The following KIAA0232 variants were observed in gnomAD, a reference collection of about 807,000 sequenced individuals.
The protein encoded by KIAA0232 is uncharacterized protein KIAA0232.
KIAA0232 carries 27 observed loss-of-function variants against 122.0 expected under a neutral mutation model. That is an observed-to-expected ratio of 0.22 (90% CI 0.16 to 0.31). KIAA0232 has a LOEUF of 0.31. KIAA0232 is among the 10% of genes least tolerant of loss of function. The probability of loss-of-function intolerance (pLI) is 1.00; values close to 1 mark genes in which losing one functional copy is unlikely to be tolerated. For synonymous variants in KIAA0232, 613 were observed against 587.6 expected (o/e 1.04, Z -0.63); for missense variants, 1,551 against 1,634.2 (o/e 0.95, Z 0.88).
intron 2 of KIAA0232, among the ~76,000 whole-genome samples, chr4:6,821,933 G>A (rs1389514957): frequency 1.3e-5 from 2 of 151,712 alleles, no homozygotes; most frequent in Non-Finnish European, 2.9e-5. Context: ...CTGCTCACTT[G>A]CATTGTTTCC....
intron 1 of KIAA0232, among the ~76,000 whole-genome samples, chr4:6,803,231 A>T (rs971003404): frequency 6.7e-6 from 1 of 149,490 alleles, no homozygotes; most frequent in African/African-American, 2.5e-5. Context: ...ATATATATGG[A>T]CTTTCTCATA....
chr4:6,816,598 T>A (rs1389021312), intron 2 of KIAA0232, among the ~76,000 whole-genome samples: 1 of 151,424 alleles, frequency 6.6e-6, no homozygotes, highest in Non-Finnish European at 1.5e-5. Context: ...TTGTAATATC[T>A]TTATTGGCTT....
Position 6,827,300 on chromosome 4 carries a change from T to TA in KIAA0232, c.231+2617dup, listed in dbSNP as rs777674449. Among the ~76,000 whole-genome samples the TA allele has an allele frequency of 4.6e-5, 7 of 152,326 alleles. No individual in the cohort carries two copies. In the South Asian group the frequency reaches 6.2e-4, roughly 14 times the overall value. Reference sequence around the variant, plus strand: ...GCCTGACTCAAAGGGAGGATGTACTTACGGTTTCCCCAGGCAGAGAGGATG... The same window carrying TA: ...GCCTGACTCAAAGGGAGGATGTACTTAACGGTTTCCCCAGGCAGAGAGGATG... On this transcript the variant is annotated intron_variant, in intron 3 of 9. Transcript: ENST00000307659.
At position 6,808,137 on chromosome 4, in the gene KIAA0232, A is replaced by T. The variant is rs369706054; in HGVS notation, c.-270+3531A>T. ...TATAACTACTTAATTGTATGTTTGC[A>T]CTCTCTGGCTTGCCAGGCAAATAGT... On this transcript the variant is annotated intron_variant, in intron 2 of 9. Transcript: ENST00000307659. 2.2e-4 allele frequency among the ~76,000 whole-genome samples: 33 copies of T among 152,134 alleles called. 1 individual carries two copies. The highest frequency in any genetic ancestry group is 1.5e-3 in the East Asian group (8 of 5,178).
intron 1 of KIAA0232, among the ~76,000 whole-genome samples, chr4:6,798,704 A>G (rs959609537): frequency 3.3e-5 from 5 of 152,152 alleles, no homozygotes; most frequent in South Asian, 2.1e-4. Context: ...GGCATGTGAC[A>G]TTATGCCCAA....
At chr4:6,857,871 C>T (rs1720644522) in intron 5 of KIAA0232, among the ~76,000 whole-genome samples, 1 of 152,162 alleles carries the variant, frequency 6.6e-6, no homozygotes. Flanking sequence ...GCCCACCAAG[C>T]CTTGAGCCTG....
rs759275409 is a variant in KIAA0232 at position 6,824,459 on chromosome 4, C to T, written c.6C>T (p.Tyr2=). The change falls in exon 3 of 10, where the codon TAC becomes TAT. Residue 2 remains tyrosine (Y), a synonymous_variant. Coordinates refer to ENST00000307659, the MANE Select transcript of KIAA0232 (RefSeq NM_014743.3). M[Y]PICTVVVDGL... ...GATGTCGGCAACCTAAATTCATGTA[C>T]CCTATCTGTACAGTTGTTGTGGATG... 1.2e-6 allele frequency: 2 copies of T among 1,613,316 alleles called. No individual in the cohort carries two copies. Among genetic ancestry groups the T allele is most frequent in the African/African-American group, 2.7e-5 (2 of 74,892 alleles).
chr4:6,831,345 C>T (rs1718967954), intron 3 of KIAA0232, among the ~76,000 whole-genome samples: 1 of 152,240 alleles, frequency 6.6e-6, no homozygotes, highest in Non-Finnish European at 1.5e-5. Flanking sequence ...TGAGCCACCA[C>T]ACCTGGCCGA....
intron 4 of KIAA0232, among the ~76,000 whole-genome samples, chr4:6,850,491 C>A (rs1030203654): frequency 6.6e-6 from 1 of 152,030 alleles, no homozygotes. Context: ...TTTGTAACTT[C>A]TTTTAGTTAA....
At position 6,881,054 on chromosome 4, in the gene KIAA0232, C is replaced by T. The variant is rs1371635765; in HGVS notation, c.*88C>T. On this transcript the variant is annotated 3_prime_UTR_variant, in exon 10 of 10. Coordinates refer to ENST00000307659, the MANE Select transcript of KIAA0232 (RefSeq NM_014743.3). ...GAGACCTGTTAATCTAAAACAACAACTTAGGTTTCCTCTTCAATTAACTGA... is the reference window on the plus strand; with the variant it reads ...GAGACCTGTTAATCTAAAACAACAATTTAGGTTTCCTCTTCAATTAACTGA... The T allele has an allele frequency of 8.5e-6, 8 of 944,168 alleles. No individual in the cohort carries two copies. Among genetic ancestry groups the T allele is most frequent in the Non-Finnish European group, 1.0e-5 (7 of 688,644 alleles). 58.5% of individuals were successfully genotyped at this position (944,168 alleles called of 1,614,324 possible).
Position 6,880,949 on chromosome 4 carries a change from T to C in KIAA0232, c.4171T>C (p.Ser1391Pro), listed in dbSNP as rs374877709. Residue 1391 changes from serine (S) to proline (P), a missense_variant, in exon 10 of 10, where the codon TCT becomes CCT. Ser to Pro is a moderately conservative substitution (Grantham distance 74). Transcript: ENST00000307659. Reference sequence around the variant, plus strand: ...GGGCCCTAGTGAAGAGGAGCTCTTTTCTCGAACTCATCTCTAAACCTGCAA... The same window carrying C: ...GGGCCCTAGTGAAGAGGAGCTCTTTCCTCGAACTCATCTCTAAACCTGCAA... ...WVGPSEEELFSRTHL is the reference protein window; with the variant it reads ...WVGPSEEELFPRTHL 11 of 1,561,504 alleles carry C rather than the reference T, an allele frequency of 7.0e-6. No homozygotes were observed. The African/African-American group carries it at 1.1e-4, about 16-fold the overall frequency.
At chr4:6,807,761 T>G (rs1380296078) in intron 2 of KIAA0232, among the ~76,000 whole-genome samples, 2 of 152,198 alleles carry the variant, frequency 1.3e-5, no homozygotes, top group Non-Finnish European at 1.5e-5. Flanking sequence ...AGTTCCAAAT[T>G]CATGTGCTGA....
chr4:6,838,579 A>T (rs1292395758), intron 3 of KIAA0232, among the ~76,000 whole-genome samples: 2 of 152,164 alleles, frequency 1.3e-5, no homozygotes, highest in African/African-American at 4.8e-5. Flanking sequence ...TATTATTCTT[A>T]AAACTGTACA....
intron 3 of KIAA0232, 133 bp from the exon 4 acceptor site, chr4:6,841,934 A>G (rs955340936): frequency 9.7e-7 from 1 of 1,027,128 alleles, no homozygotes; most frequent in Non-Finnish European, 1.4e-6. Flanking sequence ...TTCGTCGCAG[A>G]AATAGACAAG....
intron 9 of KIAA0232, among the ~76,000 whole-genome samples, chr4:6,878,272 G>T (rs1365153925): frequency 1.3e-5 from 2 of 152,160 alleles, no homozygotes; most frequent in Non-Finnish European, 2.9e-5. Flanking sequence ...CTACTTGGGA[G>T]GCTGAAGCTG....
At chr4:6,857,656 A>G (rs935604105) in intron 5 of KIAA0232, among the ~76,000 whole-genome samples, 5 of 152,232 alleles carry the variant, frequency 3.3e-5, no homozygotes, top group African/African-American at 1.2e-4. Context: ...TTAAGATGTT[A>G]AGACATGAAT....
chr4:6,817,680 T>G (rs1227831069), intron 2 of KIAA0232, among the ~76,000 whole-genome samples: 1 of 152,218 alleles, frequency 6.6e-6, no homozygotes, highest in Non-Finnish European at 1.5e-5. Context: ...ACAGTTTATC[T>G]TAGGTCAAGT....
chr4:6,837,200 G>A (rs1719352338), intron 3 of KIAA0232, among the ~76,000 whole-genome samples: 1 of 150,894 alleles, frequency 6.6e-6, no homozygotes, highest in South Asian at 2.1e-4. Flanking sequence ...CAGGCGGGGC[G>A]GCTGCCGGGC....
chr4:6,873,524 A>G (rs1480493530), intron 8 of KIAA0232, among the ~76,000 whole-genome samples: 1 of 152,142 alleles, frequency 6.6e-6, no homozygotes, highest in South Asian at 2.1e-4. Flanking sequence ...AAAAGAACCA[A>G]TTCCTTGCAG....
Sources: allele counts gnomAD v4.1 joint callset (sites outside exome capture counted in the v4.1 genomes callset), GRCh38; gene constraint gnomAD v4.1.1; transcripts MANE v1.5; gene names NCBI Gene and HGNC (gene_info 2026-07-23, HGNC 2026-07-21).